LIMCH1: variants seen among roughly 807,000 people sequenced by gnomAD.
LIMCH1 encodes the protein LIM and calponin homology domains 1.
In LIMCH1, 113 loss-of-function variants were observed where a neutral mutation model predicts 176.5. The ratio of observed to expected loss-of-function variants is 0.64; its 90% CI spans 0.55 to 0.75. The LOEUF (loss-of-function observed/expected upper bound fraction) is 0.75, where lower values mean the gene tolerates loss of function less well. LIMCH1 is among the 30% of genes least tolerant of loss of function. LIMCH1 has a pLI of 0.00. For synonymous variants in LIMCH1, 619 were observed against 645.9 expected (o/e 0.96, Z 0.63); for missense variants, 1,674 against 1,814.9 (o/e 0.92, Z 1.41).
chr4:41,613,779 C>A, intron 5 of LIMCH1, 118 bp downstream of exon 5: 1 of 783,122 alleles, frequency 1.3e-6, no homozygotes. Context: ...CTTGCCGGAA[C>A]TTAGTAATTC....
chr4:41,565,825 C>T (rs150973219), intron 1 of LIMCH1, among the ~76,000 whole-genome samples: 294 of 152,194 alleles, frequency 1.9e-3, no homozygotes, highest in Middle Eastern at 0.01. Flanking sequence ...GGTAGGTATC[C>T]CATCCCAATT....
intron 2 of LIMCH1, among the ~76,000 whole-genome samples, chr4:41,495,607 C>T (rs1289575411): frequency 6.6e-6 from 1 of 152,160 alleles, no homozygotes; most frequent in African/African-American, 2.4e-5. Flanking sequence ...GGTTTGGAGC[C>T]TGTGGACTAG....
In LIMCH1 at chr4:41,513,759, C is replaced by T. The variant is rs1298132116; in HGVS notation, c.168-10650C>T. ...GTGCCTCATGCCTGTAATCCCAGCA[C>T]TTTGGGAGGCCAAGGCGGGCGGATC... On this transcript the variant is annotated intron_variant, in intron 2 of 26. Transcript: ENST00000313860. 3.9e-5 allele frequency among the ~76,000 whole-genome samples: 6 copies of T among 152,010 alleles called. No homozygotes were observed. In the East Asian group the frequency reaches 1.2e-3, roughly 29 times the overall value.
Position 41,620,599 on chromosome 4 carries a change from T to C in LIMCH1, c.634T>C (p.Ser212Pro). The part of the protein sequence containing the change: ...DGAVVAPAPK[S>P]EEKDAAEIQK... ...GGCTGTGGTGGCACCAGCTCCCAAG[T>C]CTGAAGAAAAAGATGCTGCTGAGAT... is the stretch of plus-strand genomic sequence containing the variant. The change falls in exon 7 of 32, where the codon TCT (serine) becomes CCT (proline). Residue 212 changes from serine to proline, a missense_variant. Physicochemically the swap from Ser to Pro is moderately conservative, Grantham distance 74. Coordinates refer to ENST00000503057, the MANE Select transcript of LIMCH1 (RefSeq NM_001330672.2). The C allele has an allele frequency of 6.5e-7, 1 of 1,536,116 alleles. No individual in the cohort carries two copies. The highest frequency in any genetic ancestry group is 1.4e-5 in the African/African-American group (1 of 73,144).
rs115206329 is a variant in LIMCH1, at chr4:41,643,351, A to G, written c.2127-1149A>G. On this transcript the variant is annotated intron_variant, in intron 14 of 31. Transcript: ENST00000503057. The stretch of plus-strand genomic sequence containing the variant: ...TTTTCTTTGTGTTAGGCTGGTTTCA[A>G]AAATGGACTGTCACCATATTTTGTT... Among the ~76,000 whole-genome samples, 537 of 152,300 alleles carry G rather than the reference A, an allele frequency of 3.5e-3. 4 individuals carry two copies. Among genetic ancestry groups the G allele is most frequent in the Non-Finnish European group, 5.5e-3 (374 of 68,012 alleles).
chr4:41,443,639 C>T lies in LIMCH1; in HGVS notation c.97-50897C>T, dbSNP rs10020454. On this transcript the variant is annotated intron_variant, in intron 1 of 26. Transcript: ENST00000313860. ...GGAGAAACGAAGATCTGTTAATTTA[C>T]AGTATTTGTAAGCAATGGCTAAACT... is the stretch of plus-strand genomic sequence containing the variant. Among the ~76,000 whole-genome samples the T allele has an allele frequency of 2.3e-3, 345 of 152,240 alleles. 1 individual carries two copies. Among genetic ancestry groups the T allele is most frequent in the African/African-American group, 7.9e-3 (328 of 41,538 alleles).
intron 1 of LIMCH1, among the ~76,000 whole-genome samples, chr4:41,595,068 G>A (rs139041479): frequency 1.3e-4 from 20 of 152,302 alleles, no homozygotes; most frequent in Non-Finnish European, 2.4e-4. Flanking sequence ...TTGCCTCATG[G>A]GGTAAAGGGT....
intron 4 of LIMCH1, among the ~76,000 whole-genome samples, chr4:41,607,705 T>A (rs2090912078): frequency 6.6e-6 from 1 of 152,238 alleles, no homozygotes; most frequent in Non-Finnish European, 1.5e-5. Flanking sequence ...TCAACTCTCC[T>A]AGCTTCTCTT....
At position 41,554,519 on chromosome 4, in the gene LIMCH1, A is replaced by G. The variant is rs186648353; in HGVS notation, c.-241+16169A>G. Among the ~76,000 whole-genome samples the G allele has an allele frequency of 3.2e-3, 487 of 152,292 alleles. 5 individuals carry two copies. The highest frequency in any genetic ancestry group is 3.5e-3 in the Non-Finnish European group (237 of 68,018). The stretch of plus-strand genomic sequence containing the variant: ...ACCTTCCTCTAGGTGTGGTCTAACC[A>G]GTAAAAACTGCAGGGGAACCATTAT... On this transcript the variant is annotated intron_variant, in intron 1 of 31. Transcript: ENST00000503057.
At chr4:41,676,570 C>T (rs2095225832) in intron 23 of LIMCH1, 108 bp downstream of exon 23, 8 of 826,190 alleles carry the variant, frequency 9.7e-6, no homozygotes, top group South Asian at 4.5e-5. Context: ...AAGTTATTCT[C>T]GGAAGTTAGT....
intron 13 of LIMCH1, among the ~76,000 whole-genome samples, chr4:41,634,246 G>T (rs1030885645): frequency 6.6e-6 from 1 of 152,166 alleles, no homozygotes; most frequent in Non-Finnish European, 1.5e-5. Context: ...TCCATGCTCT[G>T]ACTTGACTTA....
rs138350054 is a variant in LIMCH1 at position 41,570,916 on chromosome 4, A to C, written c.-240-28004A>C. ...CATCCATTTGAAGGAGAGTGCAGAA[A>C]TAGGAGGTAATGAACTGTGTCAAAT... On this transcript the variant is annotated intron_variant, in intron 1 of 31. Transcript: ENST00000503057. Among the ~76,000 whole-genome samples, 183 of 152,310 alleles carry C rather than the reference A, an allele frequency of 1.2e-3. 1 individual carries two copies. The highest frequency in any genetic ancestry group is 4.0e-3 in the African/African-American group (166 of 41,570).
chr4:41,590,943 T>C lies in LIMCH1; in HGVS notation c.-240-7977T>C, dbSNP rs6850535. 3.5e-3 allele frequency among the ~76,000 whole-genome samples: 526 copies of C among 152,342 alleles called. 3 individuals are homozygous for C. The highest frequency in any genetic ancestry group is 0.012 in the African/African-American group (493 of 41,582). ...TCCCCAAATTCTATTAATTATGTGG[T>C]AAGTTCCTGGAGATATTTTGGTAAT... is the stretch of plus-strand genomic sequence containing the variant. On this transcript the variant is annotated intron_variant, in intron 1 of 31. Transcript: ENST00000503057.
At chr4:41,583,011 G>A (rs866484508) in intron 1 of LIMCH1, among the ~76,000 whole-genome samples, 7 of 152,120 alleles carry the variant, frequency 4.6e-5, no homozygotes, top group East Asian at 1.9e-4. Flanking sequence ...GTGTTAATAC[G>A]TTTGCATTGC....
At chr4:41,644,997 T>C (rs2093999779) in intron 15 of LIMCH1, among the ~76,000 whole-genome samples, 1 of 152,242 alleles carries the variant, frequency 6.6e-6, no homozygotes, top group Non-Finnish European at 1.5e-5. Context: ...TGTGTACCAG[T>C]ACCAGGCATT....
At position 41,619,360 on chromosome 4, in the gene LIMCH1, AAAG is replaced by A. The variant is rs1452232517; in HGVS notation, c.384_386del (p.Lys129del). On this transcript the variant is annotated inframe_deletion, in exon 6 of 32. Transcript: ENST00000503057. Reference sequence around the variant, plus strand: ...CGGCCTACGTCCCCGCGCCTCTGAGAAAGAAGAAAGCAGAGAGAGAGGAATACC... The same window carrying A: ...CGGCCTACGTCCCCGCGCCTCTGAGAAAGAAAGCAGAGAGAGAGGAATACC... 4 of 1,614,118 alleles carry A rather than the reference AAAG, an allele frequency of 2.5e-6. No homozygotes were observed.
chr4:41,484,502 T>C (rs1194671085), intron 1 of LIMCH1, among the ~76,000 whole-genome samples: 1 of 152,226 alleles, frequency 6.6e-6, no homozygotes, highest in Non-Finnish European at 1.5e-5. Flanking sequence ...AGTAGATAAA[T>C]TTTGTTCTGC....
At chr4:41,420,817 A>G (rs1014143897) in intron 1 of LIMCH1, among the ~76,000 whole-genome samples, 1 of 152,254 alleles carries the variant, frequency 6.6e-6, no homozygotes, top group Admixed American at 6.5e-5. Flanking sequence ...GTGGCTGCCA[A>G]GAGCTTGATG....
intron 9 of LIMCH1, among the ~76,000 whole-genome samples, chr4:41,630,600 T>C (rs989109052): frequency 6.6e-6 from 1 of 152,198 alleles, no homozygotes; most frequent in African/African-American, 2.4e-5. Context: ...GTAATGATCA[T>C]TTCTAGGCAA....
Sources: allele counts gnomAD v4.1 joint callset (sites outside exome capture counted in the v4.1 genomes callset), GRCh38; gene constraint gnomAD v4.1.1; transcripts MANE v1.5; gene names NCBI Gene and HGNC (gene_info 2026-07-23, HGNC 2026-07-21).